LARGE1: variants seen among roughly 807,000 people sequenced by gnomAD.
LARGE1 encodes xylosyl- and glucuronyltransferase LARGE1.
Under a neutral mutation model 87.6 loss-of-function variants are expected in LARGE1, and 43 were observed. That is an observed-to-expected ratio of 0.49 (90% confidence interval 0.38 to 0.63). LARGE1 has a LOEUF of 0.63. Among genes scored for constraint, LARGE1 ranks in the 30% least tolerant of loss-of-function variants. The pLI is 0.00. For missense variants in LARGE1, 802 were observed against 1,000.2 expected, an observed-to-expected ratio of 0.80 and a Z score of 2.67; for synonymous variants, 434 against 394.6, an observed-to-expected ratio of 1.10 and a Z score of -1.18.
chr22:33,850,576 G>A (rs762610144), intron 1 of LARGE1, among the ~76,000 whole-genome samples: 3 of 152,176 alleles, frequency 2.0e-5, no homozygotes, highest in East Asian at 1.9e-4. Flanking sequence ...ACAGACAGTC[G>A]TATTATTATT....
chr22:33,409,052 G>C (rs1343662917), intron 7 of LARGE1, among the ~76,000 whole-genome samples: 1 of 152,188 alleles, frequency 6.6e-6, no homozygotes, highest in Non-Finnish European at 1.5e-5. Flanking sequence ...TGCTGAGATA[G>C]GCTATTTCTC....
intron 2 of LARGE1, among the ~76,000 whole-genome samples, chr22:33,688,001 A>G (rs4821175): frequency 0.56 from 84,893 of 151,994 alleles, 25,052 homozygotes; most frequent in Middle Eastern, 0.79. Flanking sequence ...CCTCATCTTC[A>G]TGGGGAGAAA....
chr22:33,660,092 T>TG (rs1569350448), intron 2 of LARGE1, among the ~76,000 whole-genome samples: 2,605 of 45,084 alleles, frequency 0.058, 41 homozygotes, highest in African/African-American at 0.1. Context: ...GTGTGTGTGT[T>TG]TTTTTTTTTT....
At chr22:33,692,555 C>T (rs1011563310) in intron 2 of LARGE1, among the ~76,000 whole-genome samples, 1 of 152,230 alleles carries the variant, frequency 6.6e-6, no homozygotes, top group East Asian at 1.9e-4. Flanking sequence ...AGGTGATCTG[C>T]CTGCCTTGGC....
intron 6 of LARGE1, among the ~76,000 whole-genome samples, chr22:33,481,220 T>TACAC (rs71785834): frequency 0.021 from 3,137 of 146,670 alleles, 65 homozygotes; most frequent in African/African-American, 0.057. Context: ...GCACTATAGA[T>TACAC]ACACACACAC....
intron 7 of LARGE1, among the ~76,000 whole-genome samples, chr22:33,397,622 T>C (rs916134261): frequency 1.3e-5 from 2 of 152,240 alleles, no homozygotes; most frequent in African/African-American, 4.8e-5. Context: ...CTGATGGACA[T>C]TTGGGCTGTA....
rs535952351 is a variant in LARGE1 at position 33,904,693 on chromosome 22, G to A, written c.-83+15302C>T. Among the ~76,000 whole-genome samples the A allele has an allele frequency of 3.9e-5, 6 of 152,204 alleles. No individual in the cohort carries two copies. In the South Asian group the frequency reaches 1.2e-3, roughly 32 times the overall value. ...CCTCGGGTCTTCAGTCACTTAAGAA[G>A]ATAAAGTGGAATGGTTATTTAACAT... On this transcript the variant is annotated intron_variant, in intron 1 of 14. Coordinates refer to ENST00000397394, the MANE Select transcript of LARGE1 (RefSeq NM_133642.5).
chr22:33,232,935 G>A (rs1190260255), intron 11 of LARGE1, among the ~76,000 whole-genome samples: 2 of 152,186 alleles, frequency 1.3e-5, no homozygotes, highest in African/African-American at 2.4e-5. Flanking sequence ...GGGAGCAGGA[G>A]CCTGTGCTTA....
rs145726577 is a variant in LARGE1, at chr22:33,675,036, T to C, written c.107-24368A>G. Among the ~76,000 whole-genome samples, 547 of 151,866 alleles carry C rather than the reference T, an allele frequency of 3.6e-3. 1 individual carries two copies. Among genetic ancestry groups the C allele is most frequent in the African/African-American group, 0.011 (472 of 41,440 alleles). ...GGCCAGGCGCGGTGACTCATGCCTG[T>C]AGTCCCAGCACTTTGGGAGCCCGAG... is the stretch of plus-strand genomic sequence containing the variant. On this transcript the variant is annotated intron_variant, in intron 2 of 14. Transcript: ENST00000397394.
chr22:33,529,951 A>C (rs1281647622), intron 6 of LARGE1, among the ~76,000 whole-genome samples: 1 of 152,230 alleles, frequency 6.6e-6, no homozygotes, highest in Non-Finnish European at 1.5e-5. Context: ...ATTTCAGGAA[A>C]GGTGGGCCTC....
intron 1 of LARGE1, among the ~76,000 whole-genome samples, chr22:33,804,447 T>G (rs1360747405): frequency 6.6e-6 from 1 of 152,174 alleles, no homozygotes; most frequent in Non-Finnish European, 1.5e-5. Flanking sequence ...TTTGGCACCT[T>G]CTGAATACAA....
In LARGE1 at chr22:33,802,411, C is replaced by G. The variant is rs114452347; in HGVS notation, c.-82-40853G>C. ...ATCACTGGCAGGTGAATGAAGGCAG[C>G]TGCCACCTACCTTTAGGAATGGTTA... On this transcript the variant is annotated intron_variant, in intron 1 of 14. Transcript: ENST00000397394. Among the ~76,000 whole-genome samples, 808 of 152,304 alleles carry G rather than the reference C, an allele frequency of 5.3e-3. 6 individuals carry two copies. The highest frequency in any genetic ancestry group is 0.018 in the African/African-American group (764 of 41,554).
Position 33,854,890 on chromosome 22 carries a change from T to C in LARGE1, c.-83+65105A>G, listed in dbSNP as rs552505048. ...GCGAAGGTGCTGTGGGGTGCCATGTTGCATCAAGCGAGGCCGCGTCCTTCA... is the reference window on the plus strand; with the variant it reads ...GCGAAGGTGCTGTGGGGTGCCATGTCGCATCAAGCGAGGCCGCGTCCTTCA... On this transcript the variant is annotated intron_variant, in intron 1 of 14. Transcript: ENST00000397394. 2.6e-5 allele frequency among the ~76,000 whole-genome samples: 4 copies of C among 152,314 alleles called. No individual in the cohort carries two copies. In the South Asian group the frequency reaches 6.2e-4, roughly 24 times the overall value.
At chr22:33,370,855 T>G (rs1230683723) in intron 9 of LARGE1, among the ~76,000 whole-genome samples, 1 of 149,298 alleles carries the variant, frequency 6.7e-6, no homozygotes, top group East Asian at 1.9e-4. Flanking sequence ...ATATTAATAT[T>G]AATAAATTAA....
chr22:33,540,808 C>T (rs547913019), intron 6 of LARGE1, among the ~76,000 whole-genome samples: 1 of 152,068 alleles, frequency 6.6e-6, no homozygotes, highest in South Asian at 2.1e-4. Context: ...ACAACAACTG[C>T]ACTCAGAGAA....
chr22:33,854,842 T>C (rs2063711625), intron 1 of LARGE1, among the ~76,000 whole-genome samples: 2 of 152,202 alleles, frequency 1.3e-5, no homozygotes, highest in South Asian at 4.2e-4. Flanking sequence ...TATAATGATA[T>C]GCCAACTGGA....
At chr22:33,139,001 A>G in the LARGE1 span, among the ~76,000 whole-genome samples, 1 of 152,122 alleles carries the variant, frequency 6.6e-6, no homozygotes, top group Admixed American at 6.5e-5. Context: ...AAGTCTCACA[A>G]GATCTGATGG....
At chr22:33,315,431 G>C (rs1936048042) in intron 11 of LARGE1, among the ~76,000 whole-genome samples, 2 of 152,196 alleles carry the variant, frequency 1.3e-5, no homozygotes, top group South Asian at 4.1e-4. Flanking sequence ...AGAAGGAAAA[G>C]AAACAGCGTT....
intron 10 of LARGE1, among the ~76,000 whole-genome samples, chr22:33,331,640 T>C (rs959221691): frequency 1.3e-5 from 2 of 152,170 alleles, no homozygotes; most frequent in Admixed American, 1.3e-4. Flanking sequence ...ACTCCTGACC[T>C]CAGGTGATCT....
Sources: gnomAD v4.1 joint callset for allele counts (sites outside exome capture counted in the v4.1 genomes callset) on GRCh38, gnomAD v4.1.1 for gene constraint, MANE v1.5 for transcripts, NCBI Gene and HGNC (gene_info 2026-07-23, HGNC 2026-07-21) for gene names.